MED25: variants seen among roughly 807,000 people sequenced by gnomAD.
MED25 encodes the protein mediator complex subunit 25.
MED25 carries 62 observed loss-of-function variants against 89.4 expected under a neutral mutation model. That is an observed-to-expected ratio of 0.69 (90% confidence interval 0.57 to 0.86). The LOEUF (loss-of-function observed/expected upper bound fraction) is 0.86, where lower values mean the gene tolerates loss of function less well. MED25 is among the 40% of genes least tolerant of loss of function. MED25 has a pLI of 0.00. For missense variants in MED25, 905 were observed against 1,005.2 expected (o/e 0.90, Z 1.35); for synonymous variants, 449 against 427.9 (o/e 1.05, Z -0.61).
rs911195970 is a variant in MED25, at chr19:49,834,536, T to C, written c.1483-450T>C. 1.2e-5 allele frequency: 3 copies of C among 255,424 alleles called. No individual in the cohort carries two copies. The highest frequency in any genetic ancestry group is 6.6e-5 in the African/African-American group (3 of 45,418). The allele number at this position is 255,424 out of a possible 1,614,324, so 15.8% of individuals were successfully genotyped here. On this transcript the variant is annotated intron_variant, in intron 13 of 17. Transcript: ENST00000312865. The surrounding 1 kb of genome is among the most constrained non-coding windows in gnomAD (Gnocchi z 4.1). ...TGATGTGGGAGCACTCCCCGTGGTG[T>C]ACACTGGCCGGTGCTGAGGGCTGGA...
intron 3 of MED25, among the ~76,000 whole-genome samples, chr19:49,822,640 C>CTTTT (rs536060694): frequency 0.012 from 837 of 68,266 alleles, no homozygotes; most frequent in Non-Finnish European, 0.015. Flanking sequence ...CTGTTACATT[C>CTTTT]TTTTTTTTTT....
downstream of MED25, chr19:49,840,146 G>A (rs992998739): frequency 3.3e-5 from 5 of 151,880 alleles, no homozygotes; most frequent in Admixed American, 6.6e-5. Context: ...CGTCCCCACC[G>A]TGCCACCCGA....
chr19:49,820,663 C>T (rs2073975555), intron 3 of MED25, among the ~76,000 whole-genome samples: 2 of 152,228 alleles, frequency 1.3e-5, no homozygotes, highest in African/African-American at 2.4e-5. Flanking sequence ...CAAGACTTTT[C>T]CTGGGTCTGG....
intron 12 of MED25, 25 bp downstream of exon 12, chr19:49,832,182 C>T (rs2123882589): frequency 6.2e-7 from 1 of 1,610,388 alleles, no homozygotes; most frequent in Non-Finnish European, 8.5e-7. Context: ...AGGGCCAGCC[C>T]TGCTGCCGGG....
Position 49,834,644 on chromosome 19 carries a change from G to A in MED25, c.1483-342G>A, listed in dbSNP as rs897694239. The stretch of plus-strand genomic sequence containing the variant: ...CGCTGTGCATCTAGGCCGCTCTCCC[G>A]GCCGTGACCCTCAGCCGCCCTCTGA... On this transcript the variant is annotated intron_variant, in intron 13 of 17. Coordinates refer to ENST00000312865, the MANE Select transcript of MED25 (RefSeq NM_030973.4). The surrounding 1 kb of genome is among the most constrained non-coding windows in gnomAD (Gnocchi z 4.1). 26 of 393,026 alleles carry A rather than the reference G, an allele frequency of 6.6e-5. No homozygotes were observed. The highest frequency in any genetic ancestry group is 9.7e-5 in the Non-Finnish European group (20 of 206,012). 24.3% of individuals were successfully genotyped at this position (393,026 alleles called of 1,614,324 possible). A position where few individuals can be genotyped will look rare whatever the true frequency, so the allele number is the denominator to read the frequency against.
In MED25 at chr19:49,829,725, G is replaced by T; in HGVS notation, c.526-61G>T. 1 of 1,522,186 alleles carries T rather than the reference G, an allele frequency of 6.6e-7. No individual in the cohort carries two copies. Among genetic ancestry groups the T allele is most frequent in the Non-Finnish European group, 8.9e-7 (1 of 1,123,628 alleles). The allele number at this position is 1,522,186 out of a possible 1,614,324, so 94.3% of individuals were successfully genotyped here. On this transcript the variant is annotated intron_variant, in intron 5 of 17. Transcript: ENST00000312865. The surrounding 1 kb of genome is among the most constrained non-coding windows in gnomAD (Gnocchi z 4.6). Reference sequence around the variant, plus strand: ...CACACAGCAGTTGTGGTAGGTTGGGGGCCGGCCCCAACACCCTTATGGAGG... The same window carrying T: ...CACACAGCAGTTGTGGTAGGTTGGGTGCCGGCCCCAACACCCTTATGGAGG...
In MED25 at chr19:49,835,782, C is replaced by A; in HGVS notation, c.1802C>A (p.Ala601Asp). Residue 601 changes from alanine to aspartate, a missense_variant, in exon 16 of 18, where the codon GCC becomes GAC. Ala to Asp is a moderately radical substitution (Grantham distance 126). Coordinates refer to ENST00000312865, the MANE Select transcript of MED25 (RefSeq NM_030973.4). The surrounding 1 kb of genome is among the most constrained non-coding windows in gnomAD (Gnocchi z 6.2). ...QPQGTVGASG[A>D]TGQPQPQGTA... ...CAGGGTACCGTAGGGGCCTCTGGGGCCACGGGGCAGCCCCAGCCCCAAGGT... is the reference window on the plus strand; with the variant it reads ...CAGGGTACCGTAGGGGCCTCTGGGGACACGGGGCAGCCCCAGCCCCAAGGT... The A allele has an allele frequency of 6.2e-7, 1 of 1,607,520 alleles. No homozygotes were observed. Among genetic ancestry groups the A allele is most frequent in the Non-Finnish European group, 8.5e-7 (1 of 1,175,922 alleles).
intron 3 of MED25, among the ~76,000 whole-genome samples, chr19:49,820,287 G>A (rs2073973263): frequency 6.6e-6 from 1 of 152,232 alleles, no homozygotes; most frequent in Non-Finnish European, 1.5e-5. Context: ...GGGCTAGCTT[G>A]AAGCAAGCTT....
downstream of MED25, chr19:49,839,329 C>T (rs2074119515): frequency 6.2e-6 from 1 of 162,008 alleles, no homozygotes; most frequent in South Asian, 1.6e-4. Flanking sequence ...TGATCCAAGG[C>T]GACAGCATTT....
intron 3 of MED25, among the ~76,000 whole-genome samples, chr19:49,822,210 C>G (rs2073987400): frequency 6.7e-6 from 1 of 148,442 alleles, no homozygotes; most frequent in African/African-American, 2.5e-5. Context: ...TTGCAGTGAG[C>G]CAAGATTGCA....
At position 49,836,279 on chromosome 19, in the gene MED25, A is replaced by AG; in HGVS notation, c.2023dup (p.Ala675GlyfsTer?). On this transcript the variant is annotated frameshift_variant, in exon 17 of 18. Coordinates refer to ENST00000312865, the MANE Select transcript of MED25 (RefSeq NM_030973.4). LOFTEE classifies it high-confidence loss of function. This position sits in a 1 kb window ranked among gnomAD's most constrained non-coding sequence, Gnocchi z 5.1. ...CCTCCCTCCACCACCTCCAGCCACC[A>AG]GGGGCTCCTGCGCTGCTGCCTCCGC... 1 of 1,612,278 alleles carries AG rather than the reference A, an allele frequency of 6.2e-7. No individual in the cohort carries two copies. Among genetic ancestry groups the AG allele is most frequent in the East Asian group, 2.2e-5 (1 of 44,834 alleles).
rs1600331974 is a variant in MED25, at chr19:49,836,286, CCTG to C, written c.2028_2030del (p.Ala677del). The C allele has an allele frequency of 6.2e-7, 1 of 1,612,180 alleles. No individual in the cohort carries two copies. The highest frequency in any genetic ancestry group is 1.3e-5 in the African/African-American group (1 of 74,926). On this transcript the variant is annotated inframe_deletion, in exon 17 of 18. Coordinates refer to ENST00000312865, the MANE Select transcript of MED25 (RefSeq NM_030973.4). The surrounding 1 kb of genome is among the most constrained non-coding windows in gnomAD (Gnocchi z 5.1). ...CCACCACCTCCAGCCACCAGGGGCT[CCTG>C]CGCTGCTGCCTCCGCCGCACCAGGG...
At chr19:49,828,688 G>C (rs1401803576) in intron 4 of MED25, 141 bp downstream of exon 4, 1 of 919,710 alleles carries the variant, frequency 1.1e-6, no homozygotes, top group East Asian at 2.6e-5. Context: ...CCAGGAGGCT[G>C]CAGGTGTGTC....
chr19:49,828,338 A>T, intron 3 of MED25, 111 bp from the exon 4 acceptor site: 1 of 775,034 alleles, frequency 1.3e-6, no homozygotes. Context: ...CGTCATCCCA[A>T]GGTGCATAGC....
chr19:49,819,355 G>A, intron 3 of MED25, 59 bp downstream of exon 3: 1 of 1,593,846 alleles, frequency 6.3e-7, no homozygotes, highest in South Asian at 1.1e-5. Flanking sequence ...GTGAATGAGT[G>A]ATGGCTTGGG....
In MED25 at chr19:49,835,865, C is replaced by T. The variant is rs1368000406; in HGVS notation, c.1885C>T (p.Pro629Ser). The T allele has an allele frequency of 6.2e-7, 1 of 1,612,404 alleles. No homozygotes were observed. The highest frequency in any genetic ancestry group is 1.3e-5 in the African/African-American group (1 of 75,038). Residue 629 changes from proline to serine, a missense_variant, in exon 16 of 18, where the codon CCC becomes TCC. Around this residue, in one of 3 missense-constraint regions of MED25, gnomAD observed 271 missense variants for 258.1 expected, o/e 1.05. Coordinates refer to ENST00000312865, the MANE Select transcript of MED25 (RefSeq NM_030973.4). The surrounding 1 kb of genome is among the most constrained non-coding windows in gnomAD (Gnocchi z 6.2). ...QGPPGAASGPPPPGPILRPQN... is the reference protein window; with the variant it reads ...QGPPGAASGPSPPGPILRPQN... ...CCCTCCTGGAGCAGCTTCTGGCCCA[C>T]CCCCTCCTGGACCCATCCTTCGGCC...
chr19:49,831,759 C>A lies in MED25; in HGVS notation c.1231-177C>A, dbSNP rs1050660764. Among the ~76,000 whole-genome samples the A allele has an allele frequency of 6.6e-6, 1 of 151,976 alleles. No homozygotes were observed. The highest frequency in any genetic ancestry group is 6.5e-5 in the Admixed American group (1 of 15,280). On this transcript the variant is annotated intron_variant, in intron 10 of 17. Transcript: ENST00000312865. The surrounding 1 kb of genome is among the most constrained non-coding windows in gnomAD (Gnocchi z 5.0). ...GATGGTGGGATTTAGGGGCCGGGCACGTAGCTGTAACATTTGAGGAACTGA... is the reference window on the plus strand; with the variant it reads ...GATGGTGGGATTTAGGGGCCGGGCAAGTAGCTGTAACATTTGAGGAACTGA...
downstream of MED25, chr19:49,840,212 C>T (rs930097772): frequency 6.6e-6 from 1 of 152,072 alleles, no homozygotes; most frequent in African/African-American, 2.4e-5. Flanking sequence ...TTGGCTTCAA[C>T]TCAAAGGCGC....
chr19:49,823,847 G>T (rs148437343), intron 3 of MED25, among the ~76,000 whole-genome samples: 1 of 152,210 alleles, frequency 6.6e-6, no homozygotes, highest in African/African-American at 2.4e-5. Context: ...AGTGGGGGCC[G>T]TCCTGGGTAT....
Sources: gnomAD v4.1 joint callset for allele counts (sites outside exome capture counted in the v4.1 genomes callset) on GRCh38, gnomAD v4.1.1 for gene constraint, gnomAD v4.1.1 regional missense constraint, Gnocchi (gnomAD v3.1) non-coding constraint, MANE v1.5 for transcripts, NCBI Gene and HGNC (gene_info 2026-07-23, HGNC 2026-07-21) for gene names.